Variants in SF3B1 observed in about 807,000 individuals in gnomAD.
SF3B1 encodes pre-mRNA processing 10.
Under a neutral mutation model 153.8 loss-of-function variants are expected in SF3B1, and 12 were observed. The observed-to-expected ratio is 0.08, with a 90% CI of 0.05 to 0.13. The LOEUF is 0.13. SF3B1 is among the 10% of genes least tolerant of loss of function. SF3B1 has a pLI of 1.00. For synonymous variants in SF3B1, 498 were observed against 525.2 expected (o/e 0.95, Z 0.71); for missense variants, 513 against 1,606.1 (o/e 0.32, Z 11.63).
Position 197,401,386 on chromosome 2 carries a change from C to T in SF3B1, c.2496+14G>A, listed in dbSNP as rs375754635. ...AAGGACTTTTGAGAATATTCTTTTA[C>T]AATAAAAGCTTACCTGTCGGTAATT... is the stretch of plus-strand genomic sequence containing the variant. On this transcript the variant is annotated intron_variant, in intron 17 of 24. Coordinates refer to ENST00000335508, the MANE Select transcript of SF3B1 (RefSeq NM_012433.4). The surrounding 1 kb of genome is among the most constrained non-coding windows in gnomAD (Gnocchi z 4.2). 6.3e-7 allele frequency: 1 copy of T among 1,586,682 alleles called. No homozygotes were observed. The highest frequency in any genetic ancestry group is 1.4e-5 in the African/African-American group (1 of 73,246).
intron 1 of SF3B1, among the ~76,000 whole-genome samples, chr2:197,428,459 T>C (rs530677287): frequency 1.3e-5 from 2 of 152,218 alleles, no homozygotes; most frequent in South Asian, 2.1e-4. Flanking sequence ...GGAATAACAA[T>C]GTTGTCTCTA....
At chr2:197,423,254 G>A (rs1003598520) in intron 2 of SF3B1, among the ~76,000 whole-genome samples, 2 of 151,924 alleles carry the variant, frequency 1.3e-5, no homozygotes, top group Non-Finnish European at 2.9e-5. Context: ...AGGCATGGTA[G>A]CAGGCGCCTG....
At chr2:197,413,136 C>T (rs1427748979) in intron 6 of SF3B1, among the ~76,000 whole-genome samples, 2 of 152,138 alleles carry the variant, frequency 1.3e-5, no homozygotes, top group African/African-American at 4.8e-5. Context: ...CATGGTGGCT[C>T]ATAACTGTAA....
At chr2:197,420,768 AGCCAG>A (rs2085227643) in intron 3 of SF3B1, among the ~76,000 whole-genome samples, 1 of 152,206 alleles carries the variant, frequency 6.6e-6, no homozygotes, top group Non-Finnish European at 1.5e-5. Flanking sequence ...AAATGATTAC[AGCCAG>A]GCATGACAGC....
In SF3B1 at chr2:197,399,954, C is replaced by T. The variant is rs2084921333; in HGVS notation, c.3013+101G>A. 8 of 803,578 alleles carry T rather than the reference C, an allele frequency of 1.0e-5. No homozygotes were observed. In the South Asian group the frequency reaches 1.1e-4, roughly 11 times the overall value. The allele number at this position is 803,578 out of a possible 1,614,324, so 49.8% of individuals were successfully genotyped here. ...TCTTGAAGTGCTTTTAAAAAGCTAA[C>T]AAAAACCTCCCAACTCCTAAATAAG... On this transcript the variant is annotated intron_variant, in intron 20 of 24. Coordinates refer to ENST00000335508, the MANE Select transcript of SF3B1 (RefSeq NM_012433.4).
At chr2:197,397,002 A>T (rs2084882544) in intron 22 of SF3B1, among the ~76,000 whole-genome samples, 1 of 152,196 alleles carries the variant, frequency 6.6e-6, no homozygotes, top group Non-Finnish European at 1.5e-5. Flanking sequence ...CACATGTCAT[A>T]TTCCTTGAAA....
intron 6 of SF3B1, among the ~76,000 whole-genome samples, chr2:197,414,771 G>A (rs1345928587): frequency 6.6e-6 from 1 of 152,144 alleles, no homozygotes; most frequent in Non-Finnish European, 1.5e-5. Flanking sequence ...TTGCAAGGCT[G>A]AGGCAGATGG....
chr2:197,401,652 G>A lies in SF3B1; in HGVS notation c.2370+90C>T. Reference sequence around the variant, plus strand: ...TCAAACAGTATTCGTGTAACATACAGTTTTTTTTGTTGATTTTTAAAAACA... The same window carrying A: ...TCAAACAGTATTCGTGTAACATACAATTTTTTTTGTTGATTTTTAAAAACA... On this transcript the variant is annotated intron_variant, in intron 16 of 24. Coordinates refer to ENST00000335508, the MANE Select transcript of SF3B1 (RefSeq NM_012433.4). This position sits in a 1 kb window ranked among gnomAD's most constrained non-coding sequence, Gnocchi z 4.2. The A allele has an allele frequency of 6.7e-7, 1 of 1,482,622 alleles. No individual in the cohort carries two copies. The highest frequency in any genetic ancestry group is 1.2e-5 in the South Asian group (1 of 81,304). 91.8% of individuals were successfully genotyped at this position (1,482,622 alleles called of 1,614,324 possible).
At chr2:197,397,746 G>A (rs961370011) in intron 22 of SF3B1, among the ~76,000 whole-genome samples, 6 of 151,376 alleles carry the variant, frequency 4.0e-5, no homozygotes, top group Admixed American at 1.3e-4. Context: ...GCAGTGAGCC[G>A]AGATTGAATC....
At chr2:197,420,265 A>C (rs1228269046) in intron 4 of SF3B1, 163 bp downstream of exon 4, 17 of 504,738 alleles carry the variant, frequency 3.4e-5, no homozygotes, top group Non-Finnish European at 4.7e-5. Flanking sequence ...AAGATGAAGA[A>C]TATGGCATCT....
At chr2:197,429,446 T>C (rs1317471709) in intron 1 of SF3B1, among the ~76,000 whole-genome samples, 1 of 152,204 alleles carries the variant, frequency 6.6e-6, no homozygotes, top group Non-Finnish European at 1.5e-5. Context: ...GTAAGGCTAC[T>C]GTAAACATTT....
chr2:197,394,201 T>C (rs541481953), intron 23 of SF3B1, among the ~76,000 whole-genome samples: 16 of 151,492 alleles, frequency 1.1e-4, no homozygotes, highest in African/African-American at 3.6e-4. Context: ...AAAAGAAAAA[T>C]TATTTTTCTT....
chr2:197,394,664 G>C (rs2084854805), intron 23 of SF3B1, among the ~76,000 whole-genome samples: 1 of 152,212 alleles, frequency 6.6e-6, no homozygotes, highest in Admixed American at 6.5e-5. Context: ...CCAGCACTTT[G>C]GGATGCCAAG....
Position 197,402,254 on chromosome 2 carries a change from A to T in SF3B1, c.2078-124T>A. The T allele has an allele frequency of 8.4e-7, 1 of 1,188,022 alleles. No homozygotes were observed. Among genetic ancestry groups the T allele is most frequent in the Non-Finnish European group, 1.2e-6 (1 of 860,018 alleles). 73.6% of individuals were successfully genotyped at this position (1,188,022 alleles called of 1,614,324 possible). On this transcript the variant is annotated intron_variant, in intron 14 of 24. Coordinates refer to ENST00000335508, the MANE Select transcript of SF3B1 (RefSeq NM_012433.4). This position sits in a 1 kb window ranked among gnomAD's most constrained non-coding sequence, Gnocchi z 4.6. ...GCAGAATATGTTCACATTAAACAAA[A>T]TTAGGTAAAAGCAAAACATGAACCA...
intron 9 of SF3B1, among the ~76,000 whole-genome samples, chr2:197,406,110 A>C (rs2084988951): frequency 6.7e-6 from 1 of 149,130 alleles, no homozygotes; most frequent in African/African-American, 2.5e-5. Context: ...AGCTGGTAAC[A>C]GACTTCAAAA....
intron 1 of SF3B1, among the ~76,000 whole-genome samples, chr2:197,428,056 T>A (rs968512338): frequency 1.3e-5 from 2 of 151,254 alleles, no homozygotes; most frequent in African/African-American, 4.9e-5. Context: ...TAAAAGGTAA[T>A]GAGGCTGGGC....
At chr2:197,417,684 G>A (rs1355850228) in intron 5 of SF3B1, among the ~76,000 whole-genome samples, 1 of 151,994 alleles carries the variant, frequency 6.6e-6, no homozygotes, top group Non-Finnish European at 1.5e-5. Flanking sequence ...TTGGACCCAG[G>A]AGGCAGAGGG....
chr2:197,425,039 G>C (rs550090899), intron 1 of SF3B1, among the ~76,000 whole-genome samples: 12 of 152,284 alleles, frequency 7.9e-5, no homozygotes, highest in African/African-American at 2.9e-4. Flanking sequence ...CACGCCTCTA[G>C]TCCCAGCTAC....
At chr2:197,412,708 G>C (rs1220897936) in intron 6 of SF3B1, among the ~76,000 whole-genome samples, 1 of 151,464 alleles carries the variant, frequency 6.6e-6, no homozygotes, top group East Asian at 2.0e-4. Context: ...TCTCATGCCA[G>C]GCGCAGTGGC....
Sources: allele counts gnomAD v4.1 joint callset (sites outside exome capture counted in the v4.1 genomes callset), GRCh38; gene constraint gnomAD v4.1.1; non-coding constraint Gnocchi (gnomAD v3.1); transcripts MANE v1.5; gene names NCBI Gene and HGNC (gene_info 2026-07-23, HGNC 2026-07-21).